The following AGBL4 variants were observed in gnomAD, a reference collection of about 807,000 sequenced individuals.
AGBL4 encodes cytosolic carboxypeptidase 6.
Under a neutral mutation model 66.4 loss-of-function variants are expected in AGBL4, and 58 were observed. The ratio of observed to expected loss-of-function variants is 0.87; its 90% CI spans 0.71 to 1.09. The LOEUF is 1.09. Ranked by LOEUF, AGBL4 falls within the 50% of genes least tolerant of loss-of-function variation. The pLI is 0.00. For missense variants in AGBL4, 579 were observed against 631.0 expected (o/e 0.92, Z 0.88); for synonymous variants, 234 against 222.9 (o/e 1.05, Z -0.44).
At chr1:48,752,338 C>T (rs1651872989) in intron 6 of AGBL4, among the ~76,000 whole-genome samples, 1 of 152,022 alleles carries the variant, frequency 6.6e-6, no homozygotes, top group African/African-American at 2.4e-5. Context: ...CTAGTGATGT[C>T]TAAAAAAATC....
chr1:48,559,347 C>T (rs1435060065), intron 11 of AGBL4, among the ~76,000 whole-genome samples: 1 of 152,112 alleles, frequency 6.6e-6, no homozygotes, highest in Non-Finnish European at 1.5e-5. Flanking sequence ...TGAGGAGGCA[C>T]ATGCATGTGT....
At chr1:49,827,036 T>G (rs541440033) in intron 2 of AGBL4, among the ~76,000 whole-genome samples, 1 of 152,060 alleles carries the variant, frequency 6.6e-6, no homozygotes, top group African/African-American at 2.4e-5. Flanking sequence ...ACAATAAGGA[T>G]TTGATATTGG....
chr1:48,576,376 C>T (rs148857305), intron 11 of AGBL4, among the ~76,000 whole-genome samples: 4 of 152,284 alleles, frequency 2.6e-5, no homozygotes, highest in Admixed American at 6.5e-5. Flanking sequence ...CCCATGAAAT[C>T]GGTCCCTGGT....
At chr1:49,540,243 C>T (rs1056222318) in intron 3 of AGBL4, among the ~76,000 whole-genome samples, 4 of 152,148 alleles carry the variant, frequency 2.6e-5, no homozygotes, top group African/African-American at 9.7e-5. Flanking sequence ...TACAATTAGC[C>T]AATCTTTAAA....
At chr1:49,868,123 G>A (rs1429277909) in intron 1 of AGBL4, among the ~76,000 whole-genome samples, 1 of 145,432 alleles carries the variant, frequency 6.9e-6, no homozygotes, top group Non-Finnish European at 1.6e-5. Context: ...GGAAATAAGA[G>A]GGGATACAAA....
At chr1:49,831,791 C>T (rs1469015403) in intron 2 of AGBL4, among the ~76,000 whole-genome samples, 1 of 151,962 alleles carries the variant, frequency 6.6e-6, no homozygotes, top group African/African-American at 2.4e-5. Context: ...TCCATCAATA[C>T]CTGGTTTATT....
intron 11 of AGBL4, among the ~76,000 whole-genome samples, chr1:48,540,989 C>T (rs1357906468): frequency 6.6e-6 from 1 of 152,164 alleles, no homozygotes; most frequent in Non-Finnish European, 1.5e-5. Context: ...CTTCAAAGTC[C>T]AAATCTCTGA....
intron 6 of AGBL4, among the ~76,000 whole-genome samples, chr1:48,739,986 C>T (rs1183896591): frequency 2.0e-5 from 3 of 152,206 alleles, no homozygotes; most frequent in Admixed American, 2.0e-4. Context: ...AAGGCTTTGC[C>T]TCTTCTGTCC....
rs191435558 is a variant in AGBL4, at chr1:49,044,203, G to A, written c.594+1381C>T. 4.7e-3 allele frequency among the ~76,000 whole-genome samples: 715 copies of A among 152,154 alleles called. 6 individuals are homozygous for A. Among genetic ancestry groups the A allele is most frequent in the Admixed American group, 0.011 (171 of 15,270 alleles). ...TAGTTTGGGCACAAGAGGAAGAGAG[G>A]GAAGTAGGAAGAGGCAGGGTACGGT... On this transcript the variant is annotated intron_variant, in intron 5 of 13. Transcript: ENST00000371839.
chr1:49,148,271 A>T (rs568034190), intron 4 of AGBL4, among the ~76,000 whole-genome samples: 1 of 152,276 alleles, frequency 6.6e-6, no homozygotes, highest in Non-Finnish European at 1.5e-5. Context: ...GGAGCATGTC[A>T]CTGGGTTTCC....
At chr1:48,535,706 C>T (rs926123720) in intron 12 of AGBL4, among the ~76,000 whole-genome samples, 4 of 152,088 alleles carry the variant, frequency 2.6e-5, no homozygotes, top group Admixed American at 2.0e-4. Flanking sequence ...AGTCAAAATT[C>T]CATATGTCTG....
intron 5 of AGBL4, among the ~76,000 whole-genome samples, chr1:49,040,468 T>C (rs1024224783): frequency 2.6e-5 from 4 of 151,994 alleles, no homozygotes; most frequent in African/African-American, 9.7e-5. Context: ...CCAAGAAAAA[T>C]GTATTCATAT....
intron 3 of AGBL4, among the ~76,000 whole-genome samples, chr1:49,665,294 T>C (rs1306639839): frequency 6.6e-6 from 1 of 152,140 alleles, no homozygotes; most frequent in Non-Finnish European, 1.5e-5. Context: ...CTGTTTTTTT[T>C]GTTTTTGTTT....
intron 3 of AGBL4, among the ~76,000 whole-genome samples, chr1:49,333,530 A>T (rs1445326283): frequency 6.6e-6 from 1 of 152,098 alleles, no homozygotes; most frequent in Non-Finnish European, 1.5e-5. Flanking sequence ...ATTCAGGATA[A>T]TTATTCTGAG....
intron 3 of AGBL4, among the ~76,000 whole-genome samples, chr1:49,425,466 A>C (rs1204152269): frequency 1.3e-5 from 2 of 152,222 alleles, no homozygotes; most frequent in Non-Finnish European, 2.9e-5. Flanking sequence ...TATTTATAGC[A>C]TTTAAAATAC....
chr1:48,687,093 A>G (rs1188825310), intron 6 of AGBL4, among the ~76,000 whole-genome samples: 1 of 152,182 alleles, frequency 6.6e-6, no homozygotes. Context: ...CAGGTAAAGG[A>G]CAGACAGGCA....
At chr1:49,433,091 T>C (rs537822555) in intron 3 of AGBL4, among the ~76,000 whole-genome samples, 1 of 152,312 alleles carries the variant, frequency 6.6e-6, no homozygotes, top group African/African-American at 2.4e-5. Context: ...ATGGAAGCTC[T>C]GTGCCTTTTC....
At chr1:49,074,226 G>C (rs1324542581) in intron 4 of AGBL4, among the ~76,000 whole-genome samples, 1 of 152,220 alleles carries the variant, frequency 6.6e-6, no homozygotes, top group Non-Finnish European at 1.5e-5. Flanking sequence ...CTCCTGGTCT[G>C]CCGGTTGCAA....
intron 4 of AGBL4, among the ~76,000 whole-genome samples, chr1:49,124,601 G>A (rs1182685185): frequency 2.0e-5 from 3 of 152,192 alleles, no homozygotes; most frequent in Non-Finnish European, 4.4e-5. Flanking sequence ...AACTAGCTGT[G>A]TGACCCTAGG....
Sources: allele counts gnomAD v4.1 joint callset (sites outside exome capture counted in the v4.1 genomes callset), GRCh38; gene constraint gnomAD v4.1.1; transcripts MANE v1.5; gene names NCBI Gene and HGNC (gene_info 2026-07-23, HGNC 2026-07-21).